Variants in TAAR5 observed in about 807,000 individuals in gnomAD.
TAAR5 encodes trace amine associated receptor 5, also known as trace amine-associated receptor 5.
In TAAR5, 27 loss-of-function variants were observed where a neutral mutation model predicts 21.1. The ratio of observed to expected loss-of-function variants is 1.28; its 90% CI spans 0.94 to 1.76. TAAR5 has a LOEUF of 1.76. TAAR5 is among the 40% of genes most tolerant of loss of function. The probability of loss-of-function intolerance (pLI) is 0.00; values close to 1 mark genes in which losing one functional copy is unlikely to be tolerated. For missense variants in TAAR5, 495 were observed against 405.6 expected (o/e 1.22, Z -1.89); for synonymous variants, 203 against 167.5 (o/e 1.21, Z -1.64).
chr6:132,593,086 C>T (rs1164529159), upstream of TAAR5, among the ~76,000 whole-genome samples: 2 of 152,204 alleles, frequency 1.3e-5, no homozygotes, highest in East Asian at 3.8e-4. Context: ...GACCCCTTCT[C>T]TGATGCTCTA....
the TAAR5 span, among the ~76,000 whole-genome samples, chr6:132,610,800 C>T: frequency 6.6e-6 from 1 of 152,176 alleles, no homozygotes; most frequent in African/African-American, 2.4e-5. Context: ...TGAGAGTTCT[C>T]CTAGTCCAGC....
the TAAR5 span, among the ~76,000 whole-genome samples, chr6:132,610,053 C>T: frequency 1.3e-5 from 2 of 152,120 alleles, no homozygotes; most frequent in African/African-American, 4.8e-5. Flanking sequence ...TGTTCCATCC[C>T]TGAGAGACCA....
chr6:132,599,333 T>C, the TAAR5 span, among the ~76,000 whole-genome samples: 13 of 143,586 alleles, frequency 9.1e-5, no homozygotes, highest in Admixed American at 2.8e-4. Flanking sequence ...CTTTTTTTTT[T>C]TTTTTTTTTT....
At chr6:132,609,182 A>T in the TAAR5 span, 1 of 362,438 alleles carries the variant, frequency 2.8e-6, no homozygotes, top group Non-Finnish European at 5.4e-6. Context: ...ATACATTATC[A>T]CCTGGACATG....
the TAAR5 span, among the ~76,000 whole-genome samples, chr6:132,610,404 G>A: frequency 6.6e-6 from 1 of 151,918 alleles, no homozygotes; most frequent in African/African-American, 2.4e-5. Context: ...TCAACTGCAG[G>A]GTACATTTAA....
chr6:132,597,240 A>G, the TAAR5 span, among the ~76,000 whole-genome samples: 263 of 152,306 alleles, frequency 1.7e-3, 7 homozygotes, highest in Non-Finnish European at 7.1e-4. Context: ...AGTTACATAT[A>G]ATAAGGAAAT....
chr6:132,611,642 G>A, the TAAR5 span, among the ~76,000 whole-genome samples: 1 of 152,052 alleles, frequency 6.6e-6, no homozygotes, highest in South Asian at 2.1e-4. Flanking sequence ...CCCAAAATAT[G>A]GCACCTTGGC....
chr6:132,600,663 G>A, the TAAR5 span, among the ~76,000 whole-genome samples: 4 of 151,764 alleles, frequency 2.6e-5, no homozygotes, highest in Non-Finnish European at 5.9e-5. Context: ...TACCGTACCA[G>A]TAAACCACTC....
At chr6:132,611,353 T>C in the TAAR5 span, among the ~76,000 whole-genome samples, 1 of 151,984 alleles carries the variant, frequency 6.6e-6, no homozygotes, top group Non-Finnish European at 1.5e-5. Flanking sequence ...AGAATGAATA[T>C]GATCTAGTAT....
the TAAR5 span, among the ~76,000 whole-genome samples, chr6:132,616,530 C>T: frequency 6.6e-6 from 1 of 152,186 alleles, no homozygotes; most frequent in Non-Finnish European, 1.5e-5. Flanking sequence ...GAATGAAAAC[C>T]TGCCTGGAGT....
At chr6:132,603,705 G>A in the TAAR5 span, among the ~76,000 whole-genome samples, 1 of 152,082 alleles carries the variant, frequency 6.6e-6, no homozygotes, top group Non-Finnish European at 1.5e-5. Flanking sequence ...CACAAGAGAA[G>A]TTTAAAATGT....
the TAAR5 span, among the ~76,000 whole-genome samples, chr6:132,605,897 A>G: frequency 6.6e-6 from 1 of 152,214 alleles, no homozygotes; most frequent in Non-Finnish European, 1.5e-5. Flanking sequence ...AAAATGTGGT[A>G]TATATACACC....
At chr6:132,596,625 G>C in the TAAR5 span, among the ~76,000 whole-genome samples, 1 of 152,002 alleles carries the variant, frequency 6.6e-6, no homozygotes, top group Admixed American at 6.6e-5. Context: ...TATTTGCTCT[G>C]GATATAGTAA....
chr6:132,606,930 T>A, the TAAR5 span, among the ~76,000 whole-genome samples: 1 of 152,184 alleles, frequency 6.6e-6, no homozygotes. Flanking sequence ...TGGGGGTGGA[T>A]CATGCCTGTA....
At chr6:132,601,026 A>AAGGG in the TAAR5 span, among the ~76,000 whole-genome samples, 1 of 54,434 alleles carries the variant, frequency 1.8e-5, no homozygotes, top group African/African-American at 1.7e-4. Context: ...GGGGGGAAGG[A>AAGGG]GGGAAGGAGG....
In TAAR5 at chr6:132,589,392, A is replaced by T. The variant is rs917609935; in HGVS notation, c.295T>A (p.Cys99Ser). ...PLSTIRSVESCWFFGDFLCRL... is the reference protein window; with the variant it reads ...PLSTIRSVESSWFFGDFLCRL... ...CAGAGGAAGTCCCCGAAGAACCAGC[A>T]GCTCTCCACTGAGCGAATGGTGCTG... is the stretch of plus-strand genomic sequence containing the variant. The change falls in exon 1 of 1, where the codon TGC (cysteine) becomes AGC (serine). Residue 99 changes from cysteine (C) to serine (S), a missense_variant. Coordinates refer to ENST00000258034, the MANE Select transcript of TAAR5 (RefSeq NM_003967.3). The T allele has an allele frequency of 1.2e-6, 2 of 1,614,008 alleles. No homozygotes were observed. The highest frequency in any genetic ancestry group is 2.7e-5 in the African/African-American group (2 of 74,912).
Position 132,589,126 on chromosome 6 carries a change from A to C in TAAR5, c.561T>G (p.Pro187=). The C allele has an allele frequency of 6.2e-7, 1 of 1,612,958 alleles. No homozygotes were observed. The highest frequency in any genetic ancestry group is 8.5e-7 in the Non-Finnish European group (1 of 1,179,422). Residue 187 remains proline, a synonymous_variant, in exon 1 of 1, where the codon CCT becomes CCG. Coordinates refer to ENST00000258034, the MANE Select transcript of TAAR5 (RefSeq NM_003967.3). ...TRLSQWLEEM[P]CVGSCQLLLN... is the part of the protein sequence containing the mutation. ...GCAGCAGCTGGCAACTGCCCACACAAGGCATCTCTTCCAGCCACTGGCTGA... is the reference window on the plus strand; with the variant it reads ...GCAGCAGCTGGCAACTGCCCACACACGGCATCTCTTCCAGCCACTGGCTGA...
At chr6:132,613,563 C>G in the TAAR5 span, among the ~76,000 whole-genome samples, 1 of 152,126 alleles carries the variant, frequency 6.6e-6, no homozygotes, top group African/African-American at 2.4e-5. Context: ...TTTTCCTCCT[C>G]AAGTTTTAGT....
chr6:132,592,207 G>T (rs142463151), upstream of TAAR5, among the ~76,000 whole-genome samples: 1 of 152,140 alleles, frequency 6.6e-6, no homozygotes, highest in Admixed American at 6.5e-5. Context: ...AAATCTCCCC[G>T]CTGCATCATG....
Sources: gnomAD v4.1 joint callset for allele counts (sites outside exome capture counted in the v4.1 genomes callset) on GRCh38, gnomAD v4.1.1 for gene constraint, MANE v1.5 for transcripts, NCBI Gene and HGNC (gene_info 2026-07-23, HGNC 2026-07-21) for gene names.